TMEM131: variants seen among roughly 807,000 people sequenced by gnomAD.
TMEM131 encodes transmembrane protein 131, also known as 2610524E03Rik.
A neutral mutation model predicts 211.6 loss-of-function variants in TMEM131; 66 were observed. That is an observed-to-expected ratio of 0.31 (90% CI 0.26 to 0.38). The LOEUF (loss-of-function observed/expected upper bound fraction) is 0.38. TMEM131 is among the 10% of genes least tolerant of loss of function. The probability of loss-of-function intolerance (pLI) is 1.00; values close to 1 mark genes in which losing one functional copy is unlikely to be tolerated. For missense variants in TMEM131, 2,036 were observed against 2,299.3 expected, an observed-to-expected ratio of 0.89 and a Z score of 2.34; for synonymous variants, 844 against 841.3, an observed-to-expected ratio of 1.00 and a Z score of -0.06.
At chr2:97,823,661 C>T (rs1682234347) in intron 11 of TMEM131, among the ~76,000 whole-genome samples, 1 of 152,142 alleles carries the variant, frequency 6.6e-6, no homozygotes. Context: ...GAGTTGTAAA[C>T]ATCTGCTGAC....
At chr2:97,825,538 G>A (rs1439776149) in intron 11 of TMEM131, among the ~76,000 whole-genome samples, 1 of 152,144 alleles carries the variant, frequency 6.6e-6, no homozygotes, top group Non-Finnish European at 1.5e-5. Flanking sequence ...CTCTAATCAA[G>A]GAGACCCAGA....
chr2:97,821,043 T>C (rs1025709373), intron 11 of TMEM131, among the ~76,000 whole-genome samples: 2 of 152,184 alleles, frequency 1.3e-5, no homozygotes, highest in South Asian at 2.1e-4. Flanking sequence ...TCCACAGATA[T>C]GGCTCCTGAA....
intron 11 of TMEM131, among the ~76,000 whole-genome samples, chr2:97,821,446 C>T (rs1474941228): frequency 6.6e-6 from 1 of 152,186 alleles, no homozygotes; most frequent in Non-Finnish European, 1.5e-5. Context: ...CCGTTTGGGT[C>T]CCTTTCTAGG....
At chr2:97,762,804 C>T (rs11680321) in intron 35 of TMEM131, 54,560 of 152,262 alleles carry the variant, frequency 0.36, 10,529 homozygotes, top group Non-Finnish European at 0.39. Flanking sequence ...GAGTTTGAGG[C>T]TGCAGTGAGC....
At chr2:97,783,835 A>G (rs189013771) in intron 31 of TMEM131, among the ~76,000 whole-genome samples, 240 of 152,192 alleles carry the variant, frequency 1.6e-3, no homozygotes, top group African/African-American at 5.5e-3. Context: ...AAAAATCATG[A>G]CCCAAATTAT....
intron 35 of TMEM131, chr2:97,762,479 G>A (rs1320571422): frequency 5.2e-5 from 16 of 308,276 alleles, no homozygotes; most frequent in Middle Eastern, 1.0e-3. Context: ...GGTAGGGGAG[G>A]AGGGTCTTCC....
rs1018880896 is a variant in TMEM131 at position 97,978,058 on chromosome 2, G to C, written c.187+17418C>G. 3.9e-5 allele frequency among the ~76,000 whole-genome samples: 6 copies of C among 152,224 alleles called. No individual in the cohort carries two copies. The East Asian group carries it at 9.6e-4, about 24-fold the overall frequency. On this transcript the variant is annotated intron_variant, in intron 1 of 40. Coordinates refer to ENST00000186436, the MANE Select transcript of TMEM131 (RefSeq NM_015348.2). ...GCCGAGACTGCGCCACTGCACTCCAGCCTGGGTGACAGAGCAAGACTCGGT... is the reference window on the plus strand; with the variant it reads ...GCCGAGACTGCGCCACTGCACTCCACCCTGGGTGACAGAGCAAGACTCGGT...
At position 97,757,783 on chromosome 2, in the gene TMEM131, C is replaced by G. The variant is rs528330000; in HGVS notation, c.5368-400G>C. Among the ~76,000 whole-genome samples, 4 of 152,346 alleles carry G rather than the reference C, an allele frequency of 2.6e-5. No homozygotes were observed. In the East Asian group the frequency reaches 7.7e-4, roughly 29 times the overall value. On this transcript the variant is annotated intron_variant, in intron 40 of 40. Coordinates refer to ENST00000186436, the MANE Select transcript of TMEM131 (RefSeq NM_015348.2). Reference sequence around the variant, plus strand: ...TAAAGAGAGTTGTATTGGAACACAGCTGCGCCCATCGGCCTGTGCACTGCA... The same window carrying G: ...TAAAGAGAGTTGTATTGGAACACAGGTGCGCCCATCGGCCTGTGCACTGCA...
At chr2:97,836,952 T>C (rs1573438350) in intron 8 of TMEM131, 125 bp downstream of exon 8, 8 of 748,696 alleles carry the variant, frequency 1.1e-5, no homozygotes, top group Admixed American at 2.7e-5. Flanking sequence ...AAATTAACAT[T>C]AAGACAACGA....
chr2:97,832,986 CTCT>C (rs1162638185), intron 11 of TMEM131, among the ~76,000 whole-genome samples: 1 of 152,198 alleles, frequency 6.6e-6, no homozygotes, highest in Non-Finnish European at 1.5e-5. Flanking sequence ...ATTCATCTGA[CTCT>C]TCTTCCTCTT....
At chr2:97,978,444 C>G (rs998659214) in intron 1 of TMEM131, among the ~76,000 whole-genome samples, 1 of 152,152 alleles carries the variant, frequency 6.6e-6, no homozygotes, top group Admixed American at 6.5e-5. Flanking sequence ...CTCTGTTGCC[C>G]AGGCTGGAGT....
At chr2:97,942,976 G>GAAAGAAAGAAAAGAAAGA (rs375150069) in intron 1 of TMEM131, among the ~76,000 whole-genome samples, 2 of 99,310 alleles carry the variant, frequency 2.0e-5, no homozygotes, top group Middle Eastern at 4.4e-3. Context: ...AAGAAAGAAA[G>GAAAGAAAGAAAAGAAAGA]AAAGAAAGAA....
At chr2:97,943,080 A>G (rs1041484332) in intron 1 of TMEM131, among the ~76,000 whole-genome samples, 5 of 139,308 alleles carry the variant, frequency 3.6e-5, no homozygotes, top group African/African-American at 5.3e-5. Context: ...AAAGAAAGAA[A>G]GAAAGAAAGA....
At chr2:97,842,337 C>T (rs370219368) in intron 6 of TMEM131, among the ~76,000 whole-genome samples, 4 of 152,126 alleles carry the variant, frequency 2.6e-5, no homozygotes, top group African/African-American at 9.7e-5. Flanking sequence ...GTTGACTAAG[C>T]AGGGTAAACC....
chr2:97,941,414 G>A (rs2104492265), intron 1 of TMEM131, among the ~76,000 whole-genome samples: 2 of 152,254 alleles, frequency 1.3e-5, no homozygotes, highest in Middle Eastern at 6.8e-3. Context: ...ATAGGCATGG[G>A]CAACGACTTC....
intron 1 of TMEM131, among the ~76,000 whole-genome samples, chr2:97,940,600 A>T (rs1262048793): frequency 6.6e-6 from 1 of 152,096 alleles, no homozygotes; most frequent in East Asian, 1.9e-4. Flanking sequence ...CGAGGTCAGG[A>T]GATCGAGACT....
chr2:97,932,288 T>C (rs1677258830), intron 1 of TMEM131, among the ~76,000 whole-genome samples: 1 of 152,220 alleles, frequency 6.6e-6, no homozygotes, highest in Non-Finnish European at 1.5e-5. Flanking sequence ...TAGGTCCACA[T>C]GGGTCCCTTC....
At chr2:97,764,656 C>CA (rs1679066533) in intron 35 of TMEM131, 1 of 152,314 alleles carries the variant, frequency 6.6e-6, no homozygotes, top group Non-Finnish European at 1.5e-5. Context: ...CTGAGGCATG[C>CA]GGCACTGGGC....
At chr2:97,841,694 A>C in intron 7 of TMEM131, 121 bp downstream of exon 7, 2 of 1,169,478 alleles carry the variant, frequency 1.7e-6, no homozygotes. Flanking sequence ...TACCCCTCTC[A>C]ATACACTATA....
Sources: gnomAD v4.1 joint callset for allele counts (sites outside exome capture counted in the v4.1 genomes callset) on GRCh38, gnomAD v4.1.1 for gene constraint, MANE v1.5 for transcripts, NCBI Gene and HGNC (gene_info 2026-07-23, HGNC 2026-07-21) for gene names.